GPR158: variants seen among roughly 807,000 people sequenced by gnomAD.
The protein encoded by GPR158 is G protein-coupled receptor 158.
Under a neutral mutation model 78.2 loss-of-function variants are expected in GPR158, and 30 were observed. That is an observed-to-expected ratio of 0.38 (90% CI 0.29 to 0.52). The LOEUF (loss-of-function observed/expected upper bound fraction) is 0.52, where lower values mean the gene tolerates loss of function less well. Ranked by LOEUF, GPR158 falls within the 20% of genes least tolerant of loss-of-function variation. The probability of loss-of-function intolerance (pLI) is 0.83; values close to 1 mark genes in which losing one functional copy is unlikely to be tolerated. For missense variants in GPR158, 1,463 were observed against 1,523.5 expected, an observed-to-expected ratio of 0.96 and a Z score of 0.66; for synonymous variants, 581 against 591.1, an observed-to-expected ratio of 0.98 and a Z score of 0.25.
At chr10:25,468,786 G>A (rs188921098) in intron 5 of GPR158, among the ~76,000 whole-genome samples, 7 of 152,142 alleles carry the variant, frequency 4.6e-5, no homozygotes, top group Non-Finnish European at 1.0e-4. Context: ...CAAGCACTGT[G>A]CTAATTTCTG....
chr10:25,395,776 G>T, intron 2 of GPR158, 135 bp from the exon 3 acceptor site: 2 of 515,238 alleles, frequency 3.9e-6, no homozygotes, highest in Non-Finnish European at 3.5e-6. Flanking sequence ...AAACTGAAAA[G>T]TTCAAAAAAG....
intron 7 of GPR158, among the ~76,000 whole-genome samples, chr10:25,586,716 T>A (rs1411151033): frequency 6.6e-6 from 1 of 152,108 alleles, no homozygotes; most frequent in Non-Finnish European, 1.5e-5. Context: ...CCCGGCCCGG[T>A]ATGCATGAAC....
intron 7 of GPR158, among the ~76,000 whole-genome samples, chr10:25,581,437 A>G (rs1837198557): frequency 6.6e-6 from 1 of 152,190 alleles, no homozygotes; most frequent in African/African-American, 2.4e-5. Context: ...ACATCACTAA[A>G]AACTACACAT....
At chr10:25,281,559 C>G (rs1280829062) in intron 2 of GPR158, among the ~76,000 whole-genome samples, 6 of 151,978 alleles carry the variant, frequency 3.9e-5, no homozygotes, top group African/African-American at 1.4e-4. Flanking sequence ...GCCTGCGTGA[C>G]AGATTGAGAC....
intron 2 of GPR158, among the ~76,000 whole-genome samples, chr10:25,302,108 G>C (rs1388273365): frequency 7.3e-6 from 1 of 137,266 alleles, no homozygotes; most frequent in Non-Finnish European, 1.5e-5. Context: ...GTCTCGCTCT[G>C]TCGCCCAGGC....
chr10:25,534,512 A>G (rs1203080316), intron 5 of GPR158, among the ~76,000 whole-genome samples: 3 of 151,542 alleles, frequency 2.0e-5, no homozygotes, highest in African/African-American at 7.3e-5. Flanking sequence ...AACAAAACAA[A>G]AACAGATTAC....
intron 1 of GPR158, among the ~76,000 whole-genome samples, chr10:25,196,611 G>T (rs1285856361): frequency 6.6e-6 from 1 of 152,174 alleles, no homozygotes; most frequent in Non-Finnish European, 1.5e-5. Flanking sequence ...ACAGATCTCT[G>T]CCTTGACTAT....
intron 1 of GPR158, among the ~76,000 whole-genome samples, chr10:25,194,943 A>G (rs1852824207): frequency 6.6e-6 from 1 of 152,056 alleles, no homozygotes; most frequent in African/African-American, 2.4e-5. Flanking sequence ...CTGTTACTAG[A>G]GTAAAAGAAT....
At chr10:25,178,088 TC>T (rs964706432) in intron 1 of GPR158, among the ~76,000 whole-genome samples, 12 of 152,214 alleles carry the variant, frequency 7.9e-5, no homozygotes, top group Non-Finnish European at 1.5e-4. Flanking sequence ...TCGCTTTATG[TC>T]AGGCTCTGTG....
Position 25,584,460 on chromosome 10 carries a change from TGAGAA to T in GPR158, c.1754-4546_1754-4542del, listed in dbSNP as rs535062947. Among the ~76,000 whole-genome samples, 222 of 152,356 alleles carry T rather than the reference TGAGAA, an allele frequency of 1.5e-3. 1 individual carries two copies. In the Middle Eastern group the frequency reaches 0.017, roughly 12 times the overall value. ...ATTTTAATGTTCAACCGAGCTGTTA[TGAGAA>T]ATCTTATTTTGTCTTATATTTTTAA... On this transcript the variant is annotated intron_variant, in intron 7 of 10. Transcript: ENST00000376351.
At chr10:25,561,247 T>C (rs1258104016) in intron 6 of GPR158, among the ~76,000 whole-genome samples, 2 of 152,182 alleles carry the variant, frequency 1.3e-5, no homozygotes, top group Non-Finnish European at 2.9e-5. Flanking sequence ...TTATATTAAA[T>C]AGTAAAACAT....
chr10:25,328,716 CA>C (rs767032701), intron 2 of GPR158, among the ~76,000 whole-genome samples: 7 of 151,786 alleles, frequency 4.6e-5, no homozygotes, highest in Non-Finnish European at 5.9e-5. Flanking sequence ...CACCTGAGGT[CA>C]GGGGTTCAAG....
At chr10:25,241,194 C>CTTTCCTTTCTTTCCTTTCTTTCCTT (rs1588752573) in intron 2 of GPR158, among the ~76,000 whole-genome samples, 1 of 78,564 alleles carries the variant, frequency 1.3e-5, no homozygotes, top group African/African-American at 9.0e-5. Flanking sequence ...TCTTTCCTTT[C>CTTTCCTTTCTTTCCTTTCTTTCCTT]TTTCTTTCCT....
At chr10:25,513,216 G>C (rs761619922) in intron 5 of GPR158, among the ~76,000 whole-genome samples, 3 of 151,212 alleles carry the variant, frequency 2.0e-5, no homozygotes, top group Non-Finnish European at 4.4e-5. Flanking sequence ...CAGTCTCGCT[G>C]TTTGCCATTG....
intron 2 of GPR158, among the ~76,000 whole-genome samples, chr10:25,389,741 C>A (rs1160870497): frequency 6.6e-6 from 1 of 152,012 alleles, no homozygotes; most frequent in Non-Finnish European, 1.5e-5. Context: ...GGATCCCAGA[C>A]CTGGAAGCTC....
chr10:25,255,735 A>T (rs1271636926), intron 2 of GPR158, among the ~76,000 whole-genome samples: 1 of 152,212 alleles, frequency 6.6e-6, no homozygotes, highest in Non-Finnish European at 1.5e-5. Flanking sequence ...CATTTCAAAT[A>T]TCTTTCTCTT....
chr10:25,397,722 G>C (rs1834381505), intron 3 of GPR158, among the ~76,000 whole-genome samples: 1 of 152,138 alleles, frequency 6.6e-6, no homozygotes, highest in Non-Finnish European at 1.5e-5. Context: ...AGTTGTTGTA[G>C]GCAGAATTCT....
chr10:25,389,758 C>A (rs1834269238), intron 2 of GPR158, among the ~76,000 whole-genome samples: 1 of 152,076 alleles, frequency 6.6e-6, no homozygotes, highest in South Asian at 2.1e-4. Flanking sequence ...GCTCCCTGAG[C>A]CAAGGCTGTG....
chr10:25,284,471 TA>T (rs1290255952), intron 2 of GPR158, among the ~76,000 whole-genome samples: 1 of 151,740 alleles, frequency 6.6e-6, no homozygotes, highest in Non-Finnish European at 1.5e-5. Context: ...GTTGGAATAA[TA>T]TTTTTTTTCT....
Sources: allele counts gnomAD v4.1 joint callset (sites outside exome capture counted in the v4.1 genomes callset), GRCh38; gene constraint gnomAD v4.1.1; transcripts MANE v1.5; gene names NCBI Gene and HGNC (gene_info 2026-07-23, HGNC 2026-07-21).